The following LIMD1 variants were observed in gnomAD, a reference collection of about 807,000 sequenced individuals.
LIMD1 encodes the protein LIM domain-containing protein 1.
LIMD1 carries 23 observed loss-of-function variants against 58.4 expected under a neutral mutation model. The ratio of observed to expected loss-of-function variants is 0.39; its 90% CI spans 0.28 to 0.56. The LOEUF is 0.56. Among genes scored for constraint, LIMD1 ranks in the 20% least tolerant of loss-of-function variants. The pLI, the probability that LIMD1 is intolerant of heterozygous loss-of-function variation, is 0.57. For synonymous variants in LIMD1, 334 were observed against 345.5 expected (o/e 0.97, Z 0.37); for missense variants, 838 against 855.5 (o/e 0.98, Z 0.25).
chr3:45,609,630 T>C (rs1559514210), intron 1 of LIMD1, among the ~76,000 whole-genome samples: 1 of 152,220 alleles, frequency 6.6e-6, no homozygotes, highest in Admixed American at 6.5e-5. Context: ...CACTTACCCC[T>C]GCCCCAGACC....
Position 45,596,203 on chromosome 3 carries a change from C to T in LIMD1, c.1324C>T (p.Pro442Ser). Residue 442 changes from proline (P) to serine (S), a missense_variant, in exon 1 of 8, where the codon CCC becomes TCC. Physicochemically the swap from Pro to Ser is moderately conservative, Grantham distance 74. Around this residue, in one of 3 missense-constraint regions of LIMD1, gnomAD observed 659 missense variants for 639.8 expected, o/e 1.03. Coordinates refer to ENST00000273317, the MANE Select transcript of LIMD1 (RefSeq NM_014240.3). The stretch of plus-strand genomic sequence containing the variant: ...CCTCGTCCCAGGTCCTGAGCTGAGA[C>T]CCTCTGCTGCTGAGTTGAAATTAGA... ...QPLVPGPELRPSAAELKLEAL... is the reference protein window; with the variant it reads ...QPLVPGPELRSSAAELKLEAL... 2 of 1,613,726 alleles carry T rather than the reference C, an allele frequency of 1.2e-6. No individual in the cohort carries two copies. The highest frequency in any genetic ancestry group is 1.1e-5 in the South Asian group (1 of 90,984).
intron 1 of LIMD1, among the ~76,000 whole-genome samples, chr3:45,628,386 G>A (rs1701687294): frequency 6.6e-6 from 1 of 152,226 alleles, no homozygotes; most frequent in Non-Finnish European, 1.5e-5. Flanking sequence ...TGACAAATAA[G>A]CAGGTGAAAA....
chr3:45,615,005 G>A (rs932939422), intron 1 of LIMD1, among the ~76,000 whole-genome samples: 1 of 152,138 alleles, frequency 6.6e-6, no homozygotes, highest in African/African-American at 2.4e-5. Context: ...AATAGAGGAT[G>A]TCGGGGAGCA....
intron 1 of LIMD1, among the ~76,000 whole-genome samples, chr3:45,624,308 C>G (rs1701650574): frequency 6.6e-6 from 1 of 152,064 alleles, no homozygotes; most frequent in African/African-American, 2.4e-5. Flanking sequence ...GGGAGGCCTC[C>G]CTTCTTCACT....
chr3:45,659,585 A>ACCCCAAACATATATATATGCTAT lies in LIMD1; in HGVS notation c.1511-6041_1511-6019dup, dbSNP rs556359291. On this transcript the variant is annotated intron_variant, in intron 2 of 7. Coordinates refer to ENST00000273317, the MANE Select transcript of LIMD1 (RefSeq NM_014240.3). ...CAGAGTCAGGCTCCATCTCAAAAAA[A>ACCCCAAACATATATATATGCTAT]CCCCAAACATATATATATGCTATCC... is the stretch of plus-strand genomic sequence containing the variant. Among the ~76,000 whole-genome samples the ACCCCAAACATATATATATGCTAT allele has an allele frequency of 5.3e-5, 8 of 152,058 alleles. No individual in the cohort carries two copies. In the East Asian group the frequency reaches 1.5e-3, roughly 29 times the overall value.
At chr3:45,661,452 A>G (rs1697435679) in intron 2 of LIMD1, among the ~76,000 whole-genome samples, 1 of 152,242 alleles carries the variant, frequency 6.6e-6, no homozygotes, top group Non-Finnish European at 1.5e-5. Context: ...TCCAACATGT[A>G]TATGGGTTAT....
intron 4 of LIMD1, among the ~76,000 whole-genome samples, chr3:45,670,240 C>G (rs564075842): frequency 6.6e-5 from 10 of 152,270 alleles, no homozygotes; most frequent in African/African-American, 2.4e-4. Context: ...AGTCAACATG[C>G]TCTGAATTTA....
Position 45,636,072 on chromosome 3 carries a change from C to G in LIMD1, c.1409-78C>G, listed in dbSNP as rs78176910. On this transcript the variant is annotated intron_variant, in intron 1 of 7. Coordinates refer to ENST00000273317, the MANE Select transcript of LIMD1 (RefSeq NM_014240.3). ...GGCCATGGGGAGGGATGGTATTATG[C>G]TTTGTTCATTGGCTTTTTTATGACT... 3.1e-6 allele frequency: 5 copies of G among 1,599,488 alleles called. No individual in the cohort carries two copies. In the African/African-American group the frequency reaches 5.4e-5, roughly 17 times the overall value.
At chr3:45,612,418 T>TG (rs149448611) in intron 1 of LIMD1, among the ~76,000 whole-genome samples, 139 of 152,320 alleles carry the variant, frequency 9.1e-4, no homozygotes, top group Non-Finnish European at 1.5e-3. Flanking sequence ...ATTGGATACT[T>TG]GGGGTCAGGC....
intron 1 of LIMD1, chr3:45,635,816 C>T (rs1357059761): frequency 3.7e-6 from 3 of 813,242 alleles, no homozygotes; most frequent in Non-Finnish European, 4.4e-6. Flanking sequence ...AGTGATGGTG[C>T]AATCTTTCTG....
Position 45,654,848 on chromosome 3 carries a change from A to C in LIMD1, c.1511-10802A>C, listed in dbSNP as rs142372638. Among the ~76,000 whole-genome samples the C allele has an allele frequency of 6.0e-3, 906 of 150,448 alleles. 8 individuals are homozygous for C. Among genetic ancestry groups the C allele is most frequent in the African/African-American group, 0.021 (854 of 40,434 alleles). On this transcript the variant is annotated intron_variant, in intron 2 of 7. Coordinates refer to ENST00000273317, the MANE Select transcript of LIMD1 (RefSeq NM_014240.3). ...AAAAAAAAAAAAGAAAAAAGAAAAA[A>C]TTCATTCACTACATCTACAGGAAGT...
Position 45,596,256 on chromosome 3 carries a change from G to A in LIMD1, c.1377G>A (p.Glu459=). 6.2e-7 allele frequency: 1 copy of A among 1,609,874 alleles called. No homozygotes were observed. Among genetic ancestry groups the A allele is most frequent in the African/African-American group, 1.3e-5 (1 of 75,052 alleles). The change falls in exon 1 of 8, where the codon GAG becomes GAA. Residue 459 remains glutamate, a synonymous_variant. Coordinates refer to ENST00000273317, the MANE Select transcript of LIMD1 (RefSeq NM_014240.3). ...LEALTQRLER[E]MDAHPKADYF... is the part of the protein sequence containing the mutation. ...CCCTCACCCAACGTCTGGAGCGAGAGATGGATGCTCACCCGAAGGCTGATT... is the reference window on the plus strand; with the variant it reads ...CCCTCACCCAACGTCTGGAGCGAGAAATGGATGCTCACCCGAAGGCTGATT...
intron 2 of LIMD1, among the ~76,000 whole-genome samples, chr3:45,650,022 T>C (rs1373170733): frequency 6.6e-6 from 1 of 151,832 alleles, no homozygotes; most frequent in Admixed American, 6.6e-5. Context: ...TTCTTGTGCT[T>C]AGGGGTTTGT....
At chr3:45,654,145 C>T (rs1702002637) in intron 2 of LIMD1, among the ~76,000 whole-genome samples, 1 of 152,140 alleles carries the variant, frequency 6.6e-6, no homozygotes, top group African/African-American at 2.4e-5. Flanking sequence ...TAGTAGCCAC[C>T]ATGGACAGTA....
At chr3:45,611,011 C>T (rs974255096) in intron 1 of LIMD1, among the ~76,000 whole-genome samples, 1 of 152,150 alleles carries the variant, frequency 6.6e-6, no homozygotes, top group Non-Finnish European at 1.5e-5. Flanking sequence ...AATGTAAAAT[C>T]GCACGTGGCT....
At chr3:45,631,557 G>A (rs758199861) in intron 1 of LIMD1, among the ~76,000 whole-genome samples, 44 of 152,248 alleles carry the variant, frequency 2.9e-4, no homozygotes, top group Non-Finnish European at 5.3e-4. Flanking sequence ...CACTGGTCAC[G>A]GTGGAGAGAA....
intron 2 of LIMD1, among the ~76,000 whole-genome samples, chr3:45,656,731 T>C (rs1697330321): frequency 6.6e-6 from 1 of 152,154 alleles, no homozygotes; most frequent in South Asian, 2.1e-4. Context: ...TTGGCCAGGA[T>C]GGTCTTGGTC....
At chr3:45,633,795 G>A (rs1409333435) in intron 1 of LIMD1, among the ~76,000 whole-genome samples, 1 of 152,204 alleles carries the variant, frequency 6.6e-6, no homozygotes, top group Non-Finnish European at 1.5e-5. Flanking sequence ...ACCTGTTGGT[G>A]TGGGGGAATT....
At position 45,604,101 on chromosome 3, in the gene LIMD1, T is replaced by G. The variant is rs569211860; in HGVS notation, c.1408+7814T>G. ...AAACTTGGAAAATGTAAAAACACAT[T>G]ATGGCATGTTTGGGGATGGATGAAT... is the stretch of plus-strand genomic sequence containing the variant. On this transcript the variant is annotated intron_variant, in intron 1 of 7. Transcript: ENST00000273317. Among the ~76,000 whole-genome samples the G allele has an allele frequency of 2.0e-5, 3 of 152,322 alleles. No homozygotes were observed. In the South Asian group the frequency reaches 6.2e-4, roughly 32 times the overall value.
Sources: allele counts gnomAD v4.1 joint callset (sites outside exome capture counted in the v4.1 genomes callset), GRCh38; gene constraint gnomAD v4.1.1; regional missense constraint gnomAD v4.1.1; transcripts MANE v1.5; gene names NCBI Gene and HGNC (gene_info 2026-07-23, HGNC 2026-07-21).